Variants in SSH1 observed in about 807,000 individuals in gnomAD.
SSH1 encodes slingshot protein phosphatase 1, also known as protein phosphatase Slingshot homolog 1.
SSH1 carries 43 observed loss-of-function variants against 79.7 expected under a neutral mutation model. The ratio of observed to expected loss-of-function variants is 0.54; its 90% CI spans 0.42 to 0.70. SSH1 has a LOEUF of 0.70. SSH1 is among the 30% of genes least tolerant of loss of function. The pLI is 0.00. For missense variants in SSH1, 1,206 were observed against 1,358.8 expected, an observed-to-expected ratio of 0.89 and a Z score of 1.77; for synonymous variants, 599 against 538.3, an observed-to-expected ratio of 1.11 and a Z score of -1.56.
At chr12:108,797,009 T>C (rs1451859352) in intron 13 of SSH1, among the ~76,000 whole-genome samples, 1 of 152,218 alleles carries the variant, frequency 6.6e-6, no homozygotes, top group East Asian at 1.9e-4. Context: ...CCCAAAGTAC[T>C]GGGATTACAG....
chr12:108,811,697 G>A (rs1334396874), intron 5 of SSH1: 4 of 361,932 alleles, frequency 1.1e-5, no homozygotes, highest in African/African-American at 2.1e-5. Context: ...GCGGCAGGGG[G>A]AGCGTGCTCA....
Position 108,792,628 on chromosome 12 carries a change from G to A in SSH1, c.1551C>T (p.Pro517=), listed in dbSNP as rs775661783. The change falls in exon 14 of 15, where the codon CCC becomes CCT. Residue 517 remains proline, a synonymous_variant. Transcript: ENST00000326495. ...TTTCATCCTCAGGGGAAGGCAGAAG[G>A]GGGTCTGAGAGTCGCCGGAAACAGC... ...LPCCFRRLSD[P]LLPSPEDETG... is the part of the protein sequence containing the mutation. The A allele has an allele frequency of 1.9e-6, 3 of 1,612,258 alleles. No homozygotes were observed. Among genetic ancestry groups the A allele is most frequent in the East Asian group, 2.2e-5 (1 of 44,870 alleles).
chr12:108,821,929 G>C (rs1282906350), intron 3 of SSH1, among the ~76,000 whole-genome samples: 1 of 152,208 alleles, frequency 6.6e-6, no homozygotes, highest in Non-Finnish European at 1.5e-5. Context: ...GGTTTCACCT[G>C]CTGCTGTTCT....
At chr12:108,797,587 G>A (rs2036808555) in intron 13 of SSH1, among the ~76,000 whole-genome samples, 1 of 152,186 alleles carries the variant, frequency 6.6e-6, no homozygotes, top group Admixed American at 6.5e-5. Context: ...GACTCAGCTG[G>A]CAGAGAGAAG....
Position 108,852,684 on chromosome 12 carries a change from GAGAA to G in SSH1, c.70-10_70-7del, listed in dbSNP as rs1396986575. 6.2e-7 allele frequency: 1 copy of G among 1,613,966 alleles called. No homozygotes were observed. Among genetic ancestry groups the G allele is most frequent in the Non-Finnish European group, 8.5e-7 (1 of 1,180,038 alleles). ...TCTTCGCTGCCAGCCTCCAACTACAGAGAAAGAAAGAGAATATCACACCACAGGC... is the reference window on the plus strand; with the variant it reads ...TCTTCGCTGCCAGCCTCCAACTACAGAGAAAGAGAATATCACACCACAGGC... On this transcript the variant is annotated splice_polypyrimidine_tract_variant and splice_region_variant and intron_variant, in intron 1 of 14. Transcript: ENST00000326495.
chr12:108,845,928 G>A (rs755887411), intron 2 of SSH1, among the ~76,000 whole-genome samples: 1 of 152,228 alleles, frequency 6.6e-6, no homozygotes, highest in Non-Finnish European at 1.5e-5. Flanking sequence ...CCAGAGTGTG[G>A]ACAGGTGCAA....
rs2037312209 is a variant in SSH1 at position 108,807,016 on chromosome 12, G to A, written c.731+617C>T. Among the ~76,000 whole-genome samples the A allele has an allele frequency of 6.6e-6, 1 of 152,168 alleles. No individual in the cohort carries two copies. Among genetic ancestry groups the A allele is most frequent in the Non-Finnish European group, 1.5e-5 (1 of 68,034 alleles). On this transcript the variant is annotated intron_variant, in intron 8 of 14. Transcript: ENST00000326495. The surrounding 1 kb of genome is among the most constrained non-coding windows in gnomAD (Gnocchi z 5.2). ...TTATCCATAGTCTTCCCAAAATGCA[G>A]TGTCCTGGAGGAACACCACACTGTG...
rs1274117680 is a variant in SSH1, at chr12:108,782,418, T to A, written c.*5570A>T. ...AAATCCTTTCCTGGTGGGTAACTTT[T>A]TTTTTTTGGTACACAAAGGACCACC... On this transcript the variant is annotated 3_prime_UTR_variant, in exon 15 of 15. Transcript: ENST00000326495. 6.6e-6 allele frequency: 1 copy of A among 152,130 alleles called. No individual in the cohort carries two copies. Among genetic ancestry groups the A allele is most frequent in the Non-Finnish European group, 1.5e-5 (1 of 67,998 alleles). 9.4% of individuals were successfully genotyped at this position (152,130 alleles called of 1,614,324 possible).
intron 10 of SSH1, among the ~76,000 whole-genome samples, chr12:108,804,667 TG>T (rs2037186126): frequency 6.6e-6 from 1 of 152,244 alleles, no homozygotes; most frequent in Admixed American, 6.5e-5. Context: ...TTCTGGGGTT[TG>T]GTGAGGACAC....
intron 2 of SSH1, among the ~76,000 whole-genome samples, chr12:108,846,198 C>T (rs1309859877): frequency 6.6e-6 from 1 of 152,164 alleles, no homozygotes; most frequent in East Asian, 1.9e-4. Context: ...TCCTGCAGCT[C>T]GCTCTGGCCC....
chr12:108,811,244 A>C lies in SSH1; in HGVS notation c.470+16T>G, dbSNP rs1177154838. ...ACTACATACAGTGAGAGAATCTTTT[A>C]AAGAGACCTCCTTACCCATCTCCAT... is the stretch of plus-strand genomic sequence containing the variant. On this transcript the variant is annotated intron_variant, in intron 6 of 14. Transcript: ENST00000326495. The C allele has an allele frequency of 6.2e-7, 1 of 1,613,440 alleles. No individual in the cohort carries two copies. The highest frequency in any genetic ancestry group is 8.5e-7 in the Non-Finnish European group (1 of 1,179,436).
At chr12:108,816,865 G>T (rs915072905) in intron 5 of SSH1, among the ~76,000 whole-genome samples, 173 bp downstream of exon 5, 9 of 152,082 alleles carry the variant, frequency 5.9e-5, no homozygotes, top group Admixed American at 1.3e-4. Flanking sequence ...ACGGTGCCTG[G>T]CACAGAGAGC....
rs147978648 is a variant in SSH1, at chr12:108,793,027, G to C, written c.1350-198C>G. Among the ~76,000 whole-genome samples, 912 of 152,324 alleles carry C rather than the reference G, an allele frequency of 6.0e-3. 6 individuals carry two copies. Among genetic ancestry groups the C allele is most frequent in the Non-Finnish European group, 9.3e-3 (631 of 68,032 alleles). On this transcript the variant is annotated intron_variant, in intron 13 of 14. Coordinates refer to ENST00000326495, the MANE Select transcript of SSH1 (RefSeq NM_018984.4). ...GATGAGAAACAGCACTGGCTCCTAA[G>C]TTGTCCAGGCTCGCACAGGAAGCCT...
At position 108,857,481 on chromosome 12, in the gene SSH1, G is replaced by A. The variant is rs1459692227; in HGVS notation, c.16C>T (p.Leu6=). The A allele has an allele frequency of 6.1e-6, 7 of 1,139,368 alleles. No homozygotes were observed. The highest frequency in any genetic ancestry group is 7.7e-6 in the Non-Finnish European group (7 of 908,954). The allele number at this position is 1,139,368 out of a possible 1,614,324, so 70.6% of individuals were successfully genotyped here. MALVT[L]QRSPTPSAAS... is the part of the protein sequence containing the mutation. ...GCGCTGGGCGTGGGCGAGCGCTGCA[G>A]GGTCACCAGGGCCATGGCTGCGGCG... The change falls in exon 1 of 15, where the codon CTG becomes TTG. Residue 6 remains leucine (L), a synonymous_variant. Transcript: ENST00000326495. The surrounding 1 kb of genome is among the most constrained non-coding windows in gnomAD (Gnocchi z 4.7).
Position 108,857,553 on chromosome 12 carries a change from A to ACCGCCG in SSH1, c.-63_-58dup. 1.0e-6 allele frequency: 1 copy of ACCGCCG among 993,156 alleles called. No homozygotes were observed. Among genetic ancestry groups the ACCGCCG allele is most frequent in the Non-Finnish European group, 1.2e-6 (1 of 829,398 alleles). The allele number at this position is 993,156 out of a possible 1,614,324, so 61.5% of individuals were successfully genotyped here. Reference sequence around the variant, plus strand: ...GTCTCGAGCTAGAGCCGCCACCGCCACCGCCGCCCGGGCCGGGCCCGGGGC... The same window carrying ACCGCCG: ...GTCTCGAGCTAGAGCCGCCACCGCCACCGCCGCCGCCGCCCGGGCCGGGCCCGGGGC... On this transcript the variant is annotated 5_prime_UTR_variant, in exon 1 of 15. Coordinates refer to ENST00000326495, the MANE Select transcript of SSH1 (RefSeq NM_018984.4). The surrounding 1 kb of genome is among the most constrained non-coding windows in gnomAD (Gnocchi z 4.7).
intron 13 of SSH1, among the ~76,000 whole-genome samples, chr12:108,796,259 GT>G (rs1455005704): frequency 2.0e-5 from 3 of 152,124 alleles, no homozygotes; most frequent in Non-Finnish European, 4.4e-5. Context: ...CATTCATAAT[GT>G]TATGCAACCA....
Position 108,802,683 on chromosome 12 carries a change from G to A in SSH1, c.955-315C>T, listed in dbSNP as rs373222883. 3.0e-4 allele frequency among the ~76,000 whole-genome samples: 46 copies of A among 152,296 alleles called. No individual in the cohort carries two copies. The Middle Eastern group carries it at 0.014, about 45-fold the overall frequency. ...ACTTCCTTTCCTAAGAGTCCAGTGG[G>A]GGGGGGTCCTGTAAGCAGAGGCAAT... On this transcript the variant is annotated intron_variant, in intron 10 of 14. Coordinates refer to ENST00000326495, the MANE Select transcript of SSH1 (RefSeq NM_018984.4).
Position 108,788,105 on chromosome 12 carries a change from T to A in SSH1, c.3033A>T (p.Glu1011Asp). The change falls in exon 15 of 15, where the codon GAA becomes GAT. Residue 1011 changes from glutamate to aspartate, a missense_variant. By Grantham distance (45) the Glu-to-Asp change is conservative (BLOSUM62 2). Coordinates refer to ENST00000326495, the MANE Select transcript of SSH1 (RefSeq NM_018984.4). ...VADSQDTTLS[E>D]SSFLHEPQGT... ...CCTGGGGCTCATGCAAGAAGGAAGA[T>A]TCACTCAAAGTGGTGTCCTGGGAGT... The A allele has an allele frequency of 1.2e-6, 2 of 1,614,006 alleles. No homozygotes were observed. Among genetic ancestry groups the A allele is most frequent in the Non-Finnish European group, 1.7e-6 (2 of 1,180,014 alleles).
chr12:108,799,218 GT>G lies in SSH1; in HGVS notation c.1149-19del. ...GGTTCCTCCTGCAGGGGTGGGAGCA[GT>G]TGGGGAGGAGAGATGGGGGAGAAGC... On this transcript the variant is annotated intron_variant, in intron 12 of 14. Transcript: ENST00000326495. 1 of 1,601,952 alleles carries G rather than the reference GT, an allele frequency of 6.2e-7. No homozygotes were observed. Among genetic ancestry groups the G allele is most frequent in the Non-Finnish European group, 8.5e-7 (1 of 1,172,122 alleles).
Sources: allele counts gnomAD v4.1 joint callset (sites outside exome capture counted in the v4.1 genomes callset), GRCh38; gene constraint gnomAD v4.1.1; non-coding constraint Gnocchi (gnomAD v3.1); transcripts MANE v1.5; gene names NCBI Gene and HGNC (gene_info 2026-07-23, HGNC 2026-07-21).